The following ZNF91 variants were observed in gnomAD, a reference collection of about 807,000 sequenced individuals.
ZNF91 encodes zinc finger protein 91.
A neutral mutation model predicts 12.6 loss-of-function variants in ZNF91; 7 were observed. That is an observed-to-expected ratio of 0.55 (90% CI 0.31 to 1.04). ZNF91 has a LOEUF of 1.04. Ranked by LOEUF, ZNF91 falls within the 50% of genes least tolerant of loss-of-function variation. The pLI is 0.05. For missense variants in ZNF91, 1,217 were observed against 1,385.4 expected, an observed-to-expected ratio of 0.88 and a Z score of 1.93; for synonymous variants, 453 against 462.6, an observed-to-expected ratio of 0.98 and a Z score of 0.27.
rs1480287827 is a variant in ZNF91, at chr19:23,317,295, G to A, written n.117-8198C>T. ...GATCTCCTGACCTCATGATCTGCCCGCCTCGGCCTCCCAAAGTGCTGAGAT... is the reference window on the plus strand; with the variant it reads ...GATCTCCTGACCTCATGATCTGCCCACCTCGGCCTCCCAAAGTGCTGAGAT... On this transcript the variant is annotated intron_variant and non_coding_transcript_variant, in intron 1 of 1. Transcript: ENST00000596528. 2.0e-5 allele frequency among the ~76,000 whole-genome samples: 3 copies of A among 152,148 alleles called. No individual in the cohort carries two copies. The East Asian group carries it at 5.8e-4, about 29-fold the overall frequency.
At chr19:23,312,231 T>G (rs893061287), upstream of ZNF91, among the ~76,000 whole-genome samples, 1 of 152,150 alleles carries the variant, frequency 6.6e-6, no homozygotes, top group Admixed American at 6.5e-5. Context: ...AGCACCCAGA[T>G]GGTGTGATTC....
At position 23,395,464 on chromosome 19, in the gene ZNF91, C is replaced by T. The variant is rs1555748495; in HGVS notation, c.-110G>A. 6 of 1,376,150 alleles carry T rather than the reference C, an allele frequency of 4.4e-6. No homozygotes were observed. Among genetic ancestry groups the T allele is most frequent in the Non-Finnish European group, 6.0e-6 (6 of 993,874 alleles). 85.2% of individuals were successfully genotyped at this position (1,376,150 alleles called of 1,614,324 possible). A position where few individuals can be genotyped will look rare whatever the true frequency, so the allele number is the denominator to read the frequency against. ...CGAGACCTGGAAACTCCGGCGGCAG[C>T]GAGAGACAAAGGCCCAGCCACATCC... On this transcript the variant is annotated 5_prime_UTR_variant, in exon 1 of 4. Transcript: ENST00000300619.
chr19:23,346,445 T>C (rs1968233698), intron 3 of ZNF91, among the ~76,000 whole-genome samples: 1 of 151,984 alleles, frequency 6.6e-6, no homozygotes, highest in Non-Finnish European at 1.5e-5. Flanking sequence ...CTTGCAGGAC[T>C]CAAAAAGGGT....
rs370903562 is a variant in ZNF91, at chr19:23,362,488, T to C, written c.491A>G (p.Tyr164Cys). 5.0e-6 allele frequency: 8 copies of C among 1,603,726 alleles called. No homozygotes were observed. The African/African-American group carries it at 6.7e-5, about 14-fold the overall frequency. Residue 164 changes from tyrosine to cysteine, a missense_variant, in exon 4 of 4, where the codon TAT becomes TGT. Around this residue, in one of 2 missense-constraint regions of ZNF91, gnomAD observed 726 missense variants for 895.5 expected, o/e 0.81. Coordinates refer to ENST00000300619, the MANE Select transcript of ZNF91 (RefSeq NM_003430.4). ...ATGTCTGTTTGAATTTAAAAATTTA[T>C]AGAAGACTTTCAAATATTTCCCACA... ...FQCGKYLKVF[Y>C]KFLNSNRHTI...
At chr19:23,320,332 G>A (rs563146743) in intron 1 of ZNF91, among the ~76,000 whole-genome samples, 1 of 152,280 alleles carries the variant, frequency 6.6e-6, no homozygotes, top group South Asian at 2.1e-4. Flanking sequence ...AGGTCTTAAT[G>A]CAGATTGCAA....
chr19:23,360,364 T>A lies in ZNF91; in HGVS notation c.2615A>T (p.His872Leu). 6.2e-7 allele frequency: 1 copy of A among 1,614,154 alleles called. No homozygotes were observed. Among genetic ancestry groups the A allele is most frequent in the East Asian group, 2.2e-5 (1 of 44,866 alleles). The part of the protein sequence containing the change: ...AFNQSSNLTT[H>L]KIIHTKEKPS... ...TTTCTCTTTAGTATGAATTATCTTA[T>A]GTGTCGTAAGATTTGAAGATTGATT... The change falls in exon 4 of 4, where the codon CAT becomes CTT. Residue 872 changes from histidine (H) to leucine (L), a missense_variant. His to Leu is a moderately conservative substitution (Grantham distance 99). Around this residue, in one of 2 missense-constraint regions of ZNF91, gnomAD observed 491 missense variants for 489.8 expected, o/e 1.00. Coordinates refer to ENST00000300619, the MANE Select transcript of ZNF91 (RefSeq NM_003430.4).
chr19:23,360,840 G>A lies in ZNF91; in HGVS notation c.2139C>T (p.Leu713=). The change falls in exon 4 of 4, where the codon CTC becomes CTT. Residue 713 remains leucine (L), a synonymous_variant. Transcript: ENST00000300619. ...KHKIIHAGEK[L]YKCEECGKAF... is the part of the protein sequence containing the mutation. ...CTTTGCCACATTCTTCACATTTGTAGAGTTTCTCTCCAGCATGTATTATTT... is the reference window on the plus strand; with the variant it reads ...CTTTGCCACATTCTTCACATTTGTAAAGTTTCTCTCCAGCATGTATTATTT... 1 of 1,613,516 alleles carries A rather than the reference G, an allele frequency of 6.2e-7. No individual in the cohort carries two copies.
At chr19:23,311,382 T>C (rs549044214), upstream of ZNF91, among the ~76,000 whole-genome samples, 1 of 152,248 alleles carries the variant, frequency 6.6e-6, no homozygotes, top group East Asian at 1.9e-4. Context: ...GCATAAGTCC[T>C]GCTCACAGAG....
At chr19:23,308,310 A>AAACC in intron 2 of ZNF91, 1 of 152,264 alleles carries the variant, frequency 6.6e-6, no homozygotes, top group East Asian at 1.9e-4. Context: ...CTAGGTTAAG[A>AAACC]AACCAACTAA....
At position 23,316,472 on chromosome 19, in the gene ZNF91, C is replaced by T. The variant is rs115724238; in HGVS notation, n.117-7375G>A. ...TTACTGAGGTGAGGTGACTCTGCAGCCTGCACCCTGCAGGGGTTGTAACGT... is the reference window on the plus strand; with the variant it reads ...TTACTGAGGTGAGGTGACTCTGCAGTCTGCACCCTGCAGGGGTTGTAACGT... On this transcript the variant is annotated intron_variant and non_coding_transcript_variant, in intron 1 of 1. Coordinates refer to the ZNF91 transcript ENST00000596528. Among the ~76,000 whole-genome samples the T allele has an allele frequency of 6.0e-3, 915 of 152,266 alleles. 9 individuals carry two copies. Among genetic ancestry groups the T allele is most frequent in the African/African-American group, 0.021 (869 of 41,544 alleles).
At chr19:23,374,824 T>C (rs1268337475) in intron 1 of ZNF91, 60 bp from the exon 2 acceptor site, 25 of 1,587,218 alleles carry the variant, frequency 1.6e-5, no homozygotes, top group Non-Finnish European at 2.1e-5. Context: ...ATTTTTCATT[T>C]GACTCAAGGT....
At chr19:23,323,880 A>AT (rs1358191282) in intron 1 of ZNF91, 1 of 87,504 alleles carries the variant, frequency 1.1e-5, no homozygotes. Flanking sequence ...TTCGTTTCCT[A>AT]TTTTTTCTCC....
At position 23,395,402 on chromosome 19, in the gene ZNF91, T is replaced by G. The variant is rs1416371554; in HGVS notation, c.-48A>C. 2 of 1,608,782 alleles carry G rather than the reference T, an allele frequency of 1.2e-6. No homozygotes were observed. The highest frequency in any genetic ancestry group is 1.7e-6 in the Non-Finnish European group (2 of 1,177,294). ...CTGCAGGTCACAGGGCCACACAGGC[T>G]GGGCCTCCTGGAGCAGAGGACACAG... On this transcript the variant is annotated 5_prime_UTR_variant, in exon 1 of 4. Coordinates refer to ENST00000300619, the MANE Select transcript of ZNF91 (RefSeq NM_003430.4).
rs199921854 is a variant in ZNF91 at position 23,360,527 on chromosome 19, T to C, written c.2452A>G (p.Thr818Ala). The stretch of plus-strand genomic sequence containing the variant: ...TAGGGTTTCTCTCCAGTATGAATTG[T>C]CTTATGCTTAGTAAGGGTTGAGGAA... ...SRSSTLTKHK[T>A]IHTGEKPYKC... Residue 818 changes from threonine to alanine, a missense_variant, in exon 4 of 4, where the codon ACA (threonine) becomes GCA (alanine). Coordinates refer to ENST00000300619, the MANE Select transcript of ZNF91 (RefSeq NM_003430.4). 1,447 of 1,613,798 alleles carry C rather than the reference T, an allele frequency of 9.0e-4. 1 individual carries two copies. The highest frequency in any genetic ancestry group is 1.1e-3 in the Non-Finnish European group (1,328 of 1,179,944).
intron 1 of ZNF91, among the ~76,000 whole-genome samples, chr19:23,383,133 T>G (rs1294702319): frequency 6.6e-6 from 1 of 152,140 alleles, no homozygotes; most frequent in Non-Finnish European, 1.5e-5. Context: ...ATCCAAAAGC[T>G]AACCCACTAT....
At chr19:23,316,465 T>TCTGCAGC (rs760921180) in intron 1 of ZNF91, among the ~76,000 whole-genome samples, 25 of 152,178 alleles carry the variant, frequency 1.6e-4, no homozygotes, top group Non-Finnish European at 2.8e-4. Context: ...GTGAGGTGAC[T>TCTGCAGC]CTGCAGCCTG....
At position 23,323,636 on chromosome 19, in the gene ZNF91, CCTT is replaced by C. The variant is rs562224229; in HGVS notation, n.117-14542_117-14540del. Among the ~76,000 whole-genome samples, 74 of 141,912 alleles carry C rather than the reference CCTT, an allele frequency of 5.2e-4. No homozygotes were observed. The South Asian group carries it at 0.012, about 22-fold the overall frequency. 93.1% of individuals were successfully genotyped at this position (141,912 alleles called of 152,430 possible). A position where few individuals can be genotyped will look rare whatever the true frequency, so the allele number is the denominator to read the frequency against. On this transcript the variant is annotated intron_variant and non_coding_transcript_variant, in intron 1 of 1. Transcript: ENST00000596528. ...CTTTTCTCTTCTCCTTTCTCCTCCT[CCTT>C]CTCTTCTCCTCTCCTCCTCCTTTCC... is the stretch of plus-strand genomic sequence containing the variant.
chr19:23,377,110 G>A (rs1051029841), intron 1 of ZNF91, among the ~76,000 whole-genome samples: 41 of 151,616 alleles, frequency 2.7e-4, no homozygotes, highest in African/African-American at 9.9e-4. Context: ...GCCCTCCCCT[G>A]CTACGGACAT....
intron 3 of ZNF91, among the ~76,000 whole-genome samples, chr19:23,347,880 A>G (rs1405144880): frequency 6.6e-6 from 1 of 152,174 alleles, no homozygotes; most frequent in Admixed American, 6.5e-5. Flanking sequence ...TGGCTCTGCT[A>G]TCTTCTAGTC....
Sources: allele counts gnomAD v4.1 joint callset (sites outside exome capture counted in the v4.1 genomes callset), GRCh38; gene constraint gnomAD v4.1.1; regional missense constraint gnomAD v4.1.1; transcripts MANE v1.5; gene names NCBI Gene and HGNC (gene_info 2026-07-23, HGNC 2026-07-21).